Variants in PCLAF observed in about 807,000 individuals in gnomAD.
PCLAF encodes the protein PCNA-associated factor.
PCLAF carries 12 observed loss-of-function variants against 15.1 expected under a neutral mutation model. The ratio of observed to expected loss-of-function variants is 0.79; its 90% CI spans 0.51 to 1.29. PCLAF has a LOEUF of 1.29. PCLAF is among the 50% of genes most tolerant of loss of function. The pLI is 0.00. For synonymous variants in PCLAF, 33 were observed against 47.1 expected (o/e 0.70, Z 1.22); for missense variants, 116 against 130.9 (o/e 0.89, Z 0.56).
intron 2 of PCLAF, 98 bp from the exon 3 acceptor site, chr15:64,377,003 G>A: frequency 2.2e-6 from 2 of 902,190 alleles, no homozygotes; most frequent in Non-Finnish European, 3.3e-6. Flanking sequence ...ATTCTCAAAG[G>A]TATTAAATAA....
At chr15:64,369,857 C>T (rs1439273823) in intron 3 of PCLAF, among the ~76,000 whole-genome samples, 2 of 152,104 alleles carry the variant, frequency 1.3e-5, no homozygotes, top group Non-Finnish European at 2.9e-5. Flanking sequence ...CAATCCAAAA[C>T]AGATGTAACA....
At chr15:64,378,447 A>C (rs376127558) in intron 2 of PCLAF, among the ~76,000 whole-genome samples, 1 of 152,170 alleles carries the variant, frequency 6.6e-6, no homozygotes, top group African/African-American at 2.4e-5. Flanking sequence ...ATTTACATTT[A>C]TAAAAATAGC....
upstream of PCLAF, among the ~76,000 whole-genome samples, chr15:64,381,759 C>T (rs1899830109): frequency 6.6e-6 from 1 of 152,214 alleles, no homozygotes; most frequent in African/African-American, 2.4e-5. Flanking sequence ...TACAAACGAT[C>T]TTCAAAAGTT....
In PCLAF at chr15:64,365,646, TAGA is replaced by T. The variant is rs1472589523; in HGVS notation, c.*381_*383del. The T allele has an allele frequency of 2.2e-5, 4 of 182,492 alleles. No individual in the cohort carries two copies. The highest frequency in any genetic ancestry group is 3.4e-5 in the Non-Finnish European group (3 of 88,462). 11.3% of individuals were successfully genotyped at this position (182,492 alleles called of 1,614,324 possible). A position where few individuals can be genotyped will look rare whatever the true frequency, so the allele number is the denominator to read the frequency against. ...ATCTAACTCTGCTTTTTAAAGCAAG[TAGA>T]AGGAGTGACAATATGGCACCATTCC... On this transcript the variant is annotated 3_prime_UTR_variant, in exon 4 of 4. Coordinates refer to ENST00000300035, the MANE Select transcript of PCLAF (RefSeq NM_014736.6).
upstream of PCLAF, among the ~76,000 whole-genome samples, chr15:64,384,497 A>G (rs528523161): frequency 4.0e-5 from 6 of 150,798 alleles, no homozygotes; most frequent in South Asian, 1.3e-3. Flanking sequence ...AATCCCAGCA[A>G]TTTGGGAGGC....
At chr15:64,367,463 A>G (rs1345636142) in intron 3 of PCLAF, among the ~76,000 whole-genome samples, 1 of 151,762 alleles carries the variant, frequency 6.6e-6, no homozygotes, top group East Asian at 1.9e-4. Context: ...AAACTGAATC[A>G]TTGCACTCCA....
chr15:64,371,474 C>T (rs905273020), intron 3 of PCLAF, among the ~76,000 whole-genome samples: 2 of 152,080 alleles, frequency 1.3e-5, no homozygotes, highest in Non-Finnish European at 2.9e-5. Flanking sequence ...CCATTTTGGC[C>T]AGGTTAGTCT....
In PCLAF at chr15:64,364,949, G is replaced by A. The variant is rs1898969924; in HGVS notation, c.*1081C>T. ...TCCACCTGCCTTGGCCTCCCAAAGT[G>A]CTGGGATTACAGGTGTGAGCCACTG... is the stretch of plus-strand genomic sequence containing the variant. On this transcript the variant is annotated 3_prime_UTR_variant, in exon 4 of 4. Coordinates refer to ENST00000300035, the MANE Select transcript of PCLAF (RefSeq NM_014736.6). 6.6e-6 allele frequency: 1 copy of A among 150,868 alleles called. No homozygotes were observed. Among genetic ancestry groups the A allele is most frequent in the Non-Finnish European group, 1.5e-5 (1 of 67,880 alleles). The allele number at this position is 150,868 out of a possible 1,614,324, so 9.3% of individuals were successfully genotyped here. A position where few individuals can be genotyped will look rare whatever the true frequency, so the allele number is the denominator to read the frequency against.
intron 3 of PCLAF, among the ~76,000 whole-genome samples, chr15:64,376,369 T>G (rs1899603207): frequency 6.6e-6 from 1 of 152,150 alleles, no homozygotes. Flanking sequence ...CAAGATATTT[T>G]CTTTATTAAT....
upstream of PCLAF, among the ~76,000 whole-genome samples, chr15:64,386,064 C>T (rs915326047): frequency 6.6e-6 from 1 of 152,132 alleles, no homozygotes; most frequent in African/African-American, 2.4e-5. Flanking sequence ...TATCTGTTAT[C>T]TATCCTATTG....
intron 2 of PCLAF, 119 bp from the exon 3 acceptor site, chr15:64,377,024 A>ATACCTTT: frequency 1.3e-6 from 1 of 755,550 alleles, no homozygotes; most frequent in Non-Finnish European, 2.1e-6. Flanking sequence ...TCTTTATTTA[A>ATACCTTT]GATATACAAC....
At chr15:64,386,087 G>C (rs1303375639), upstream of PCLAF, among the ~76,000 whole-genome samples, 3 of 152,026 alleles carry the variant, frequency 2.0e-5, no homozygotes, top group Non-Finnish European at 2.9e-5. Flanking sequence ...TCTGTCTCTG[G>C]AGAACCCTAA....
chr15:64,387,243 G>A (rs1899964694), intron 1 of PCLAF, among the ~76,000 whole-genome samples: 3 of 152,068 alleles, frequency 2.0e-5, no homozygotes, highest in South Asian at 4.1e-4. Flanking sequence ...TTAGCCGGGC[G>A]TGGTGGCGGG....
At chr15:64,378,203 A>G (rs1899694150) in intron 2 of PCLAF, among the ~76,000 whole-genome samples, 1 of 151,968 alleles carries the variant, frequency 6.6e-6, no homozygotes, top group Admixed American at 6.6e-5. Flanking sequence ...TGGGATTACA[A>G]GTGTGAGCCA....
At chr15:64,385,226 T>G (rs1356633699), upstream of PCLAF, among the ~76,000 whole-genome samples, 2 of 152,174 alleles carry the variant, frequency 1.3e-5, no homozygotes, top group South Asian at 4.1e-4. Context: ...TATCATAACA[T>G]GTATGACATA....
chr15:64,367,814 C>T (rs1899110182), intron 3 of PCLAF, among the ~76,000 whole-genome samples: 1 of 151,588 alleles, frequency 6.6e-6, no homozygotes, highest in Non-Finnish European at 1.5e-5. Context: ...TCTCAAAGTA[C>T]TGGGATTACA....
At chr15:64,383,381 T>C (rs1181185577), upstream of PCLAF, among the ~76,000 whole-genome samples, 2 of 151,944 alleles carry the variant, frequency 1.3e-5, no homozygotes, top group East Asian at 3.9e-4. Context: ...GTTTTTTTTT[T>C]TTTGAGATGG....
rs1049320893 is a variant in PCLAF, at chr15:64,364,566, C to G, written c.*1464G>C. The G allele has an allele frequency of 5.5e-4, 83 of 151,916 alleles. No individual in the cohort carries two copies. The highest frequency in any genetic ancestry group is 1.8e-3 in the African/African-American group (75 of 41,356). The allele number at this position is 151,916 out of a possible 1,614,324, so 9.4% of individuals were successfully genotyped here. A position where few individuals can be genotyped will look rare whatever the true frequency, so the allele number is the denominator to read the frequency against. ...ACTTTAAAATTATATTTTATGATAG[C>G]GAATCAAATGCAAATCCTAGGAAAA... On this transcript the variant is annotated 3_prime_UTR_variant, in exon 4 of 4. Coordinates refer to ENST00000300035, the MANE Select transcript of PCLAF (RefSeq NM_014736.6).
At chr15:64,370,966 CTTT>C (rs11299642) in intron 3 of PCLAF, among the ~76,000 whole-genome samples, 4 of 77,308 alleles carry the variant, frequency 5.2e-5, no homozygotes, top group Non-Finnish European at 5.1e-5. Flanking sequence ...ATTTCATGTT[CTTT>C]TTTTTTTTTT....
Sources: allele counts gnomAD v4.1 joint callset (sites outside exome capture counted in the v4.1 genomes callset), GRCh38; gene constraint gnomAD v4.1.1; transcripts MANE v1.5; gene names NCBI Gene and HGNC (gene_info 2026-07-23, HGNC 2026-07-21).